B3GALT1: variants seen among roughly 807,000 people sequenced by gnomAD.
The protein encoded by B3GALT1 is beta-1,3-galactosyltransferase 1.
A neutral mutation model predicts 23.2 loss-of-function variants in B3GALT1; 10 were observed. The ratio of observed to expected loss-of-function variants is 0.43; its 90% CI spans 0.27 to 0.73. The LOEUF (loss-of-function observed/expected upper bound fraction) is 0.73. Among genes scored for constraint, B3GALT1 ranks in the 30% least tolerant of loss-of-function variants. B3GALT1 has a pLI of 0.21. For missense variants in B3GALT1, 299 were observed against 405.4 expected (o/e 0.74, Z 2.25); for synonymous variants, 156 against 141.5 (o/e 1.10, Z -0.73).
At chr2:167,511,430 G>A (rs756383217) in intron 2 of B3GALT1, among the ~76,000 whole-genome samples, 18 of 152,106 alleles carry the variant, frequency 1.2e-4, no homozygotes, top group South Asian at 4.1e-4. Flanking sequence ...CTGTCACCAC[G>A]TGAAGAAGGA....
At chr2:167,526,180 T>C (rs1294041950) in intron 2 of B3GALT1, among the ~76,000 whole-genome samples, 1 of 151,258 alleles carries the variant, frequency 6.6e-6, no homozygotes, top group African/African-American at 2.4e-5. Context: ...GTGCACAGAG[T>C]TAGGTAACAC....
At chr2:167,444,491 TGG>T (rs1394365202) in intron 1 of B3GALT1, among the ~76,000 whole-genome samples, 1 of 152,364 alleles carries the variant, frequency 6.6e-6, no homozygotes, top group East Asian at 1.9e-4. Context: ...TGAATCCATC[TGG>T]TCCTGGACTT....
intron 1 of B3GALT1, among the ~76,000 whole-genome samples, chr2:167,485,029 G>C (rs1699605489): frequency 6.6e-6 from 1 of 152,038 alleles, no homozygotes; most frequent in Admixed American, 6.6e-5. Flanking sequence ...GGTCAGTTGT[G>C]CCTGAATTCC....
chr2:167,468,599 C>T (rs146302781), intron 1 of B3GALT1, among the ~76,000 whole-genome samples: 13 of 152,258 alleles, frequency 8.5e-5, no homozygotes, highest in South Asian at 6.2e-4. Flanking sequence ...TGGCCAGGCG[C>T]GGTGGCTCAC....
intron 3 of B3GALT1, among the ~76,000 whole-genome samples, chr2:167,669,696 C>T (rs1324265016): frequency 3.3e-5 from 5 of 152,008 alleles, no homozygotes; most frequent in Non-Finnish European, 7.4e-5. Context: ...ATATTTTATT[C>T]TTTGAAAAAC....
chr2:167,814,070 C>T (rs1411288071), intron 3 of B3GALT1, among the ~76,000 whole-genome samples: 1 of 152,142 alleles, frequency 6.6e-6, no homozygotes, highest in South Asian at 2.1e-4. Context: ...GTATGAATGA[C>T]CATGTTTACA....
At chr2:167,434,525 A>T (rs1253954439) in intron 1 of B3GALT1, among the ~76,000 whole-genome samples, 1 of 3,864 alleles carries the variant, frequency 2.6e-4, no homozygotes, top group Non-Finnish European at 1.1e-3. Context: ...GTACTCTGTA[A>T]AAAAAAAAAA....
chr2:167,360,218 A>G (rs1451885462), intron 1 of B3GALT1, among the ~76,000 whole-genome samples: 1 of 152,202 alleles, frequency 6.6e-6, no homozygotes. Flanking sequence ...ACATATTTTG[A>G]CATGAGGAAT....
At chr2:167,815,636 C>T (rs1175089805) in intron 3 of B3GALT1, among the ~76,000 whole-genome samples, 1 of 152,104 alleles carries the variant, frequency 6.6e-6, no homozygotes, top group Non-Finnish European at 1.5e-5. Flanking sequence ...AGCTAGCACT[C>T]ATAAGTCGGT....
intron 2 of B3GALT1, among the ~76,000 whole-genome samples, chr2:167,573,255 T>A (rs1001047745): frequency 6.6e-6 from 1 of 151,828 alleles, no homozygotes; most frequent in Non-Finnish European, 1.5e-5. Context: ...AGAAATAGTC[T>A]TTGGGTGTTA....
At chr2:167,666,296 T>A (rs554004502) in intron 3 of B3GALT1, among the ~76,000 whole-genome samples, 18 of 152,366 alleles carry the variant, frequency 1.2e-4, no homozygotes, top group African/African-American at 3.4e-4. Flanking sequence ...CTAGTTTGAT[T>A]GCACTGTGGT....
intron 3 of B3GALT1, among the ~76,000 whole-genome samples, chr2:167,723,221 G>C (rs190338404): frequency 1.8e-4 from 28 of 152,292 alleles, no homozygotes; most frequent in African/African-American, 5.1e-4. Flanking sequence ...TGAGAGAACA[G>C]ACTCTACTTA....
intron 1 of B3GALT1, among the ~76,000 whole-genome samples, chr2:167,454,965 C>A (rs1699146694): frequency 6.6e-6 from 1 of 152,180 alleles, no homozygotes; most frequent in Non-Finnish European, 1.5e-5. Context: ...GCCTGGGATC[C>A]ATTAACGAGC....
At chr2:167,475,363 A>G (rs1321944949) in intron 1 of B3GALT1, among the ~76,000 whole-genome samples, 1 of 152,182 alleles carries the variant, frequency 6.6e-6, no homozygotes, top group Non-Finnish European at 1.5e-5. Context: ...ATTTTACTTA[A>G]TAATGGCACA....
chr2:167,616,134 A>G (rs1188930682), intron 2 of B3GALT1, among the ~76,000 whole-genome samples: 1 of 152,162 alleles, frequency 6.6e-6, no homozygotes, highest in African/African-American at 2.4e-5. Context: ...ATGTTAAACA[A>G]TAATGGTTAT....
intron 1 of B3GALT1, among the ~76,000 whole-genome samples, chr2:167,398,579 A>G (rs567812535): frequency 2.0e-5 from 3 of 152,270 alleles, no homozygotes; most frequent in South Asian, 2.1e-4. Flanking sequence ...AAGCCATTGT[A>G]TGTTAAAATG....
At chr2:167,607,122 G>T (rs1684976050) in intron 2 of B3GALT1, among the ~76,000 whole-genome samples, 1 of 152,070 alleles carries the variant, frequency 6.6e-6, no homozygotes, top group Admixed American at 6.6e-5. Flanking sequence ...TTAACAAGAA[G>T]AAAACAGATT....
At chr2:167,643,286 C>G (rs1685687565) in intron 2 of B3GALT1, among the ~76,000 whole-genome samples, 1 of 152,174 alleles carries the variant, frequency 6.6e-6, no homozygotes, top group African/African-American at 2.4e-5. Flanking sequence ...GATATTATCT[C>G]TTTGTGTATA....
chr2:167,840,558 A>G (rs1689622383), intron 4 of B3GALT1, among the ~76,000 whole-genome samples: 1 of 147,298 alleles, frequency 6.8e-6, no homozygotes, highest in Non-Finnish European at 1.5e-5. Context: ...AGAAATAGGA[A>G]CACTTTTACA....
Sources: gnomAD v4.1 joint callset for allele counts (sites outside exome capture counted in the v4.1 genomes callset) on GRCh38, gnomAD v4.1.1 for gene constraint, MANE v1.5 for transcripts, NCBI Gene and HGNC (gene_info 2026-07-23, HGNC 2026-07-21) for gene names.